Variants in RPH3A observed in about 807,000 individuals in gnomAD.
RPH3A encodes the protein rabphilin-3A.
In RPH3A, 48 loss-of-function variants were observed where a neutral mutation model predicts 102.2. The ratio of observed to expected loss-of-function variants is 0.47; its 90% CI spans 0.37 to 0.60. RPH3A has a LOEUF of 0.60. RPH3A is among the 20% of genes least tolerant of loss of function. The pLI is 0.00. For synonymous variants in RPH3A, 310 were observed against 324.3 expected (o/e 0.96, Z 0.47); for missense variants, 781 against 910.1 (o/e 0.86, Z 1.83).
intron 1 of RPH3A, among the ~76,000 whole-genome samples, chr12:112,786,151 C>G (rs556151135): frequency 6.6e-6 from 1 of 152,280 alleles, no homozygotes; most frequent in African/African-American, 2.4e-5. Flanking sequence ...GAAGGCAAGT[C>G]CAAGTTCCCT....
intron 5 of RPH3A, among the ~76,000 whole-genome samples, chr12:112,860,470 TA>T (rs2042489038): frequency 6.6e-6 from 1 of 152,100 alleles, no homozygotes; most frequent in Non-Finnish European, 1.5e-5. Context: ...GTCCAGGAGT[TA>T]ATGGTGAAAG....
At chr12:112,700,133 G>A (rs1407080692) in intron 1 of RPH3A, among the ~76,000 whole-genome samples, 5 of 151,380 alleles carry the variant, frequency 3.3e-5, no homozygotes, top group East Asian at 1.9e-4. Flanking sequence ...GCAATGGCGC[G>A]ATCTTGGCTC....
Position 112,890,892 on chromosome 12 carries a change from T to A in RPH3A, c.1664T>A (p.Leu555Gln). 6.2e-7 allele frequency: 1 copy of A among 1,614,064 alleles called. No individual in the cohort carries two copies. Among genetic ancestry groups the A allele is most frequent in the Non-Finnish European group, 8.5e-7 (1 of 1,179,976 alleles). The change falls in exon 19 of 22, where the codon CTG becomes CAG. Residue 555 changes from leucine (L) to glutamine (Q), a missense_variant. Transcript: ENST00000389385. ...VGDIEERGKI[L>Q]VSLMYSTQQG... ...GACATCGAGGAGCGTGGCAAGATCC[T>A]GGTCTCCCTCATGTACAGCACACAG...
chr12:112,735,069 C>T (rs1344077315), intron 1 of RPH3A, among the ~76,000 whole-genome samples: 2 of 152,202 alleles, frequency 1.3e-5, no homozygotes, highest in East Asian at 1.9e-4. Context: ...CACTCTGGTT[C>T]GAACACCTCT....
At chr12:112,823,018 G>A (rs914508051) in intron 2 of RPH3A, among the ~76,000 whole-genome samples, 2 of 152,204 alleles carry the variant, frequency 1.3e-5, no homozygotes, top group African/African-American at 4.8e-5. Context: ...TGCTTTTGAA[G>A]TTGCAGCTGC....
intron 2 of RPH3A, among the ~76,000 whole-genome samples, chr12:112,808,640 T>C (rs1292303416): frequency 1.3e-5 from 2 of 152,166 alleles, no homozygotes; most frequent in African/African-American, 4.8e-5. Context: ...ACCAGAACAT[T>C]TGGTCTCCTG....
intron 1 of RPH3A, among the ~76,000 whole-genome samples, chr12:112,710,099 C>A (rs184210851): frequency 1.3e-3 from 202 of 152,156 alleles, no homozygotes; most frequent in African/African-American, 4.6e-3. Flanking sequence ...CTCAGCCTCC[C>A]GAGTAGCTGG....
chr12:112,827,278 T>G (rs968525726), intron 2 of RPH3A, among the ~76,000 whole-genome samples: 9 of 152,246 alleles, frequency 5.9e-5, no homozygotes, highest in Admixed American at 2.6e-4. Flanking sequence ...TCCTATTCTG[T>G]ATACTTTATA....
intron 2 of RPH3A, among the ~76,000 whole-genome samples, chr12:112,793,370 G>A (rs2041162964): frequency 6.6e-6 from 1 of 152,160 alleles, no homozygotes; most frequent in African/African-American, 2.4e-5. Flanking sequence ...CACCCCCAAG[G>A]ATTTCCTTTT....
rs1555209147 is a variant in RPH3A at position 112,791,867 on chromosome 12, G to GGGGAGAGAGAGAGA, written c.-284_-283insGGAGAGAGAGAGAG. ...CGCGGACTGGAAAGGAAGGGAGAAG[G>GGGGAGAGAGAGAGA]GAGAGAGAGAGAGAGAGAGAGAGAG... On this transcript the variant is annotated 5_prime_UTR_variant, in exon 1 of 22. Transcript: ENST00000389385. 3 of 48,482 alleles carry GGGGAGAGAGAGAGA rather than the reference G, an allele frequency of 6.2e-5. No homozygotes were observed. The highest frequency in any genetic ancestry group is 1.9e-4 in the African/African-American group (2 of 10,408). 3.0% of individuals were successfully genotyped at this position (48,482 alleles called of 1,614,324 possible).
At chr12:112,759,459 G>T (rs1195720603) in intron 1 of RPH3A, among the ~76,000 whole-genome samples, 2 of 152,158 alleles carry the variant, frequency 1.3e-5, no homozygotes, top group Non-Finnish European at 2.9e-5. Flanking sequence ...CAATCAGGTT[G>T]TCTTCTGCCT....
At chr12:112,637,804 G>A (rs906467963) in intron 1 of RPH3A, among the ~76,000 whole-genome samples, 2 of 152,048 alleles carry the variant, frequency 1.3e-5, no homozygotes. Context: ...AAGAGAGCCC[G>A]AAGGCAGAAG....
chr12:112,847,965 C>A, intron 5 of RPH3A, 123 bp downstream of exon 5: 1 of 1,061,740 alleles, frequency 9.4e-7, no homozygotes, highest in Non-Finnish European at 1.3e-6. Context: ...CCATTTGTGA[C>A]TTACGGGGCC....
intron 1 of RPH3A, among the ~76,000 whole-genome samples, chr12:112,769,503 T>C (rs1312399217): frequency 6.6e-6 from 1 of 152,258 alleles, no homozygotes; most frequent in Non-Finnish European, 1.5e-5. Flanking sequence ...TTGTCTTAGC[T>C]AACCTTGTAG....
chr12:112,712,910 T>TTCTTCTTCTTCC (rs2040475855), intron 1 of RPH3A, among the ~76,000 whole-genome samples: 2 of 110,412 alleles, frequency 1.8e-5, no homozygotes, highest in African/African-American at 3.8e-5. Context: ...CTTCCTCTTC[T>TTCTTCTTCTTCC]TCTTCTTCTT....
intron 1 of RPH3A, among the ~76,000 whole-genome samples, chr12:112,741,894 A>G (rs1326609594): frequency 6.6e-6 from 1 of 152,142 alleles, no homozygotes; most frequent in Non-Finnish European, 1.5e-5. Context: ...TGCCTCTATA[A>G]TCTATAACCA....
At chr12:112,663,303 G>A (rs2040062630) in intron 1 of RPH3A, among the ~76,000 whole-genome samples, 1 of 151,938 alleles carries the variant, frequency 6.6e-6, no homozygotes, top group African/African-American at 2.4e-5. Context: ...TTGAACTTCT[G>A]GGCTTAAGCG....
chr12:112,732,147 C>T (rs1565864067), intron 1 of RPH3A, among the ~76,000 whole-genome samples: 1 of 152,100 alleles, frequency 6.6e-6, no homozygotes, highest in East Asian at 1.9e-4. Flanking sequence ...GACTGGTGTC[C>T]TTGGTTCGTG....
At chr12:112,895,745 C>G (rs1217851406) in intron 20 of RPH3A, 32 bp from the exon 21 acceptor site, 3 of 1,513,840 alleles carry the variant, frequency 2.0e-6, no homozygotes, top group Non-Finnish European at 2.8e-6. Context: ...TCAGAGGGCT[C>G]TTACCCACAT....
Sources: gnomAD v4.1 joint callset for allele counts (sites outside exome capture counted in the v4.1 genomes callset) on GRCh38, gnomAD v4.1.1 for gene constraint, MANE v1.5 for transcripts, NCBI Gene and HGNC (gene_info 2026-07-23, HGNC 2026-07-21) for gene names.